AXDND1: variants seen among roughly 807,000 people sequenced by gnomAD.
AXDND1 encodes the protein axonemal dynein light chain domain-containing protein 1.
AXDND1 carries 110 observed loss-of-function variants against 137.5 expected under a neutral mutation model. The observed-to-expected ratio is 0.80, with a 90% CI of 0.69 to 0.94. AXDND1 has a LOEUF of 0.94. Among genes scored for constraint, AXDND1 ranks in the 40% least tolerant of loss-of-function variants. The pLI is 0.00. For synonymous variants in AXDND1, 414 were observed against 399.7 expected (o/e 1.04, Z -0.43); for missense variants, 1,191 against 1,169.8 (o/e 1.02, Z -0.26).
intron 25 of AXDND1, among the ~76,000 whole-genome samples, chr1:179,547,614 T>C (rs115257398): frequency 0.023 from 3,445 of 152,322 alleles, 140 homozygotes; most frequent in African/African-American, 0.079. Flanking sequence ...CAGTGGCTTC[T>C]GTCGGTTTGG....
chr1:179,517,684 A>G (rs1442090300), intron 21 of AXDND1, among the ~76,000 whole-genome samples: 1 of 152,192 alleles, frequency 6.6e-6, no homozygotes, highest in African/African-American at 2.4e-5. Context: ...AGCTCCAGGT[A>G]AGGTTGGAAA....
intron 20 of AXDND1, among the ~76,000 whole-genome samples, chr1:179,498,786 T>A (rs1590782): frequency 3.3e-5 from 5 of 151,886 alleles, no homozygotes; most frequent in Admixed American, 2.0e-4. Context: ...CAGATATTTC[T>A]CAAAAGAAGA....
chr1:179,528,970 A>C (rs1670803588), intron 23 of AXDND1, among the ~76,000 whole-genome samples: 2 of 152,190 alleles, frequency 1.3e-5, no homozygotes, highest in South Asian at 4.1e-4. Flanking sequence ...CTAATTGTTA[A>C]ACATTCATTT....
intron 3 of AXDND1, 22 bp from the exon 4 acceptor site, chr1:179,369,953 A>T: frequency 6.4e-7 from 1 of 1,553,892 alleles, no homozygotes; most frequent in Non-Finnish European, 8.9e-7. Flanking sequence ...CTGGATATTC[A>T]TGTGTATTTG....
At chr1:179,552,299 A>G in intron 25 of AXDND1, 2 of 446,662 alleles carry the variant, frequency 4.5e-6, no homozygotes, top group Admixed American at 3.5e-5. Context: ...ACCCAGGAAA[A>G]GATGCCAGCA....
At chr1:179,378,831 A>G in intron 5 of AXDND1, 74 bp downstream of exon 5, 1 of 1,169,552 alleles carries the variant, frequency 8.6e-7, no homozygotes, top group Non-Finnish European at 1.1e-6. Flanking sequence ...ATGATTTTTA[A>G]TATAAATATA....
intron 18 of AXDND1, among the ~76,000 whole-genome samples, chr1:179,484,238 G>C (rs1426161069): frequency 7.2e-5 from 11 of 152,202 alleles, no homozygotes; most frequent in African/African-American, 2.7e-4. Flanking sequence ...TGCTTAGAGA[G>C]GTGGTAGGGG....
chr1:179,369,638 C>A (rs1455858131), intron 3 of AXDND1, among the ~76,000 whole-genome samples: 1 of 142,480 alleles, frequency 7.0e-6, no homozygotes, highest in Non-Finnish European at 1.5e-5. Context: ...GACCACAGAG[C>A]AAGACTCTGT....
At position 179,483,257 on chromosome 1, in the gene AXDND1, G is replaced by A. The variant is rs756877251; in HGVS notation, c.2091+36G>A. 14 of 1,449,640 alleles carry A rather than the reference G, an allele frequency of 9.7e-6. No homozygotes were observed. In the African/African-American group the frequency reaches 1.9e-4, roughly 19 times the overall value. 89.8% of individuals were successfully genotyped at this position (1,449,640 alleles called of 1,614,324 possible). The stretch of plus-strand genomic sequence containing the variant: ...GTAAGGGTTTTTGACGTTATATTTT[G>A]CCTCGGCTGGCAAATTTCTTCAAGG... On this transcript the variant is annotated intron_variant, in intron 18 of 25. Transcript: ENST00000367618.
chr1:179,432,241 T>C, intron 14 of AXDND1, 26 bp from the exon 15 acceptor site: 4 of 1,501,790 alleles, frequency 2.7e-6, no homozygotes, highest in Non-Finnish European at 3.6e-6. Context: ...CTGAGATGTT[T>C]CTCTTTTTTT....
At chr1:179,400,323 G>A (rs926677162) in intron 11 of AXDND1, among the ~76,000 whole-genome samples, 6 of 152,092 alleles carry the variant, frequency 3.9e-5, no homozygotes, top group Non-Finnish European at 7.4e-5. Flanking sequence ...AAGTAACTCA[G>A]GAGTGGAAAA....
chr1:179,381,854 C>A (rs1648379069), intron 6 of AXDND1, among the ~76,000 whole-genome samples: 1 of 151,846 alleles, frequency 6.6e-6, no homozygotes, highest in African/African-American at 2.4e-5. Flanking sequence ...GATCTTGGCT[C>A]ACTGCAACCT....
chr1:179,489,997 G>T (rs1463331846), intron 18 of AXDND1, among the ~76,000 whole-genome samples: 1 of 152,050 alleles, frequency 6.6e-6, no homozygotes, highest in African/African-American at 2.4e-5. Flanking sequence ...ACCTGCCTCG[G>T]TCTCCCAAAG....
At chr1:179,462,164 A>G (rs966219098) in intron 16 of AXDND1, among the ~76,000 whole-genome samples, 4 of 152,126 alleles carry the variant, frequency 2.6e-5, no homozygotes, top group Admixed American at 6.5e-5. Flanking sequence ...CCCATTCAGT[A>G]TGTTATTGGC....
chr1:179,548,575 C>T (rs1672858040), intron 25 of AXDND1: 1 of 152,132 alleles, frequency 6.6e-6, no homozygotes, highest in African/African-American at 2.4e-5. Flanking sequence ...CTCAGCTCAG[C>T]TACCGTGCAA....
chr1:179,478,640 C>A (rs975298823), intron 17 of AXDND1, among the ~76,000 whole-genome samples: 2 of 152,248 alleles, frequency 1.3e-5, no homozygotes, highest in Non-Finnish European at 2.9e-5. Context: ...TCTGACATGA[C>A]CTGGAGACAT....
chr1:179,377,548 C>G (rs2125069642), intron 4 of AXDND1, among the ~76,000 whole-genome samples: 1 of 152,298 alleles, frequency 6.6e-6, no homozygotes, highest in Admixed American at 6.5e-5. Flanking sequence ...CTAGCTTAGA[C>G]CACTTGCCCA....
chr1:179,492,080 C>G (rs1233960123), intron 19 of AXDND1, among the ~76,000 whole-genome samples: 1 of 152,030 alleles, frequency 6.6e-6, no homozygotes, highest in Non-Finnish European at 1.5e-5. Context: ...TGTGTACCGT[C>G]ATGTATTTTT....
intron 17 of AXDND1, among the ~76,000 whole-genome samples, chr1:179,480,463 C>G (rs1665231868): frequency 6.6e-6 from 1 of 152,140 alleles, no homozygotes; most frequent in African/African-American, 2.4e-5. Context: ...GGGTCCCTCC[C>G]ACAACATGAG....
Sources: gnomAD v4.1 joint callset for allele counts (sites outside exome capture counted in the v4.1 genomes callset) on GRCh38, gnomAD v4.1.1 for gene constraint, MANE v1.5 for transcripts, NCBI Gene and HGNC (gene_info 2026-07-23, HGNC 2026-07-21) for gene names.